SRFBP1: variants seen among roughly 807,000 people sequenced by gnomAD.
SRFBP1 encodes serum response factor-binding protein 1.
In SRFBP1, 47 loss-of-function variants were observed where a neutral mutation model predicts 45.5. The ratio of observed to expected loss-of-function variants is 1.03; its 90% confidence interval spans 0.82 to 1.32. The LOEUF (loss-of-function observed/expected upper bound fraction) is 1.32, where lower values mean the gene tolerates loss of function less well. Among genes scored for constraint, SRFBP1 ranks in the 40% most tolerant of loss-of-function variants. The pLI is 0.00. For missense variants in SRFBP1, 621 were observed against 484.6 expected (o/e 1.28, Z -2.64); for synonymous variants, 203 against 166.3 (o/e 1.22, Z -1.70).
exon 3 of SRFBP1, chr5:122,075,342 A>G: frequency 7.0e-7 from 1 of 1,435,432 alleles, no homozygotes. Flanking sequence ...CATTTGTGAT[A>G]TCAAAAATCA....
At chr5:121,993,164 G>T (rs76441997) in intron 3 of SRFBP1, among the ~76,000 whole-genome samples, 6,268 of 151,970 alleles carry the variant, frequency 0.041, 146 homozygotes, top group African/African-American at 0.049. Context: ...AATATATTTT[G>T]TTGATTTTGA....
Position 122,020,748 on chromosome 5 carries a change from GA to G in SRFBP1, c.1016del (p.Lys339SerfsTer2). On this transcript the variant is annotated frameshift_variant, in exon 6 of 8. Transcript: ENST00000339397. LOFTEE classifies it high-confidence loss of function. ...AAAATCAAGCCAAGTACAGAAACCA[GA>G]AAGTTAGAATCAGTGTTTTTCCACT... is the stretch of plus-strand genomic sequence containing the variant. ...NDKIKPSTET[R>X]KLESVFFHSL... 2 of 1,604,410 alleles carry G rather than the reference GA, an allele frequency of 1.2e-6. No homozygotes were observed. Among genetic ancestry groups the G allele is most frequent in the Non-Finnish European group, 1.7e-6 (2 of 1,177,416 alleles).
At chr5:121,989,714 A>G (rs1752584839) in intron 3 of SRFBP1, among the ~76,000 whole-genome samples, 1 of 152,166 alleles carries the variant, frequency 6.6e-6, no homozygotes, top group African/African-American at 2.4e-5. Context: ...CTAAATACCT[A>G]ATGTAGTTTC....
At chr5:121,997,944 T>G (rs1371074481) in intron 4 of SRFBP1, among the ~76,000 whole-genome samples, 2 of 150,132 alleles carry the variant, frequency 1.3e-5, no homozygotes, top group Non-Finnish European at 3.0e-5. Flanking sequence ...ATCAGAGAAA[T>G]GCAAATCAAA....
chr5:122,016,441 C>T (rs1378841834), intron 4 of SRFBP1, among the ~76,000 whole-genome samples: 1 of 152,158 alleles, frequency 6.6e-6, no homozygotes, highest in Admixed American at 6.5e-5. Flanking sequence ...AGTTTGACTT[C>T]CAGAATTAAA....
intron 2 of SRFBP1, among the ~76,000 whole-genome samples, chr5:122,039,252 T>A (rs1411226467): frequency 6.6e-6 from 1 of 152,164 alleles, no homozygotes; most frequent in Non-Finnish European, 1.5e-5. Context: ...ACCTGGTGTT[T>A]AAGAAGGTAT....
intron 2 of SRFBP1, among the ~76,000 whole-genome samples, chr5:122,061,517 G>A (rs1020144187): frequency 2.0e-5 from 3 of 151,812 alleles, no homozygotes; most frequent in African/African-American, 7.3e-5. Context: ...TTTATTTCCA[G>A]TCCCATTTTT....
chr5:122,057,423 G>GA (rs1754098959), intron 2 of SRFBP1, among the ~76,000 whole-genome samples: 1 of 151,648 alleles, frequency 6.6e-6, no homozygotes, highest in African/African-American at 2.4e-5. Flanking sequence ...CAGCTCAAAT[G>GA]AAAAAACATA....
At chr5:121,982,971 A>C (rs1343721493) in intron 3 of SRFBP1, among the ~76,000 whole-genome samples, 30 of 151,826 alleles carry the variant, frequency 2.0e-4, no homozygotes, top group Admixed American at 2.0e-3. Context: ...TAATTCAAAA[A>C]TTTTGGACAA....
intron 4 of SRFBP1, among the ~76,000 whole-genome samples, chr5:122,008,568 TTTG>T (rs1008252039): frequency 1.3e-4 from 20 of 152,228 alleles, no homozygotes; most frequent in African/African-American, 4.6e-4. Flanking sequence ...TCAATGTGTT[TTTG>T]TTGTTGTTGT....
chr5:122,016,635 C>T (rs1164238582), intron 4 of SRFBP1, among the ~76,000 whole-genome samples: 1 of 152,166 alleles, frequency 6.6e-6, no homozygotes, highest in Non-Finnish European at 1.5e-5. Flanking sequence ...GCTTTTAATA[C>T]TCAAGCAAGC....
At chr5:122,077,214 C>T (rs998805238), downstream of SRFBP1, 6 of 1,488,050 alleles carry the variant, frequency 4.0e-6, no homozygotes, top group Non-Finnish European at 2.7e-6. The surrounding 1 kb of genome is among the most constrained non-coding windows in gnomAD (Gnocchi z 4.9). Flanking sequence ...CACTGGATTC[C>T]AGGGCTGCCA....
intron 2 of SRFBP1, among the ~76,000 whole-genome samples, chr5:122,049,312 A>T (rs1043546051): frequency 6.6e-6 from 1 of 152,198 alleles, no homozygotes; most frequent in Non-Finnish European, 1.5e-5. Flanking sequence ...GATCAATTCA[A>T]CAAGAAGAGC....
chr5:122,034,424 CT>C (rs1215344974), intron 2 of SRFBP1, among the ~76,000 whole-genome samples: 1 of 151,710 alleles, frequency 6.6e-6, no homozygotes, highest in Non-Finnish European at 1.5e-5. Context: ...TTTGCTTATA[CT>C]TTTTTTAATG....
At chr5:121,986,857 G>C (rs1213722730) in intron 3 of SRFBP1, among the ~76,000 whole-genome samples, 3 of 152,052 alleles carry the variant, frequency 2.0e-5, no homozygotes, top group Admixed American at 1.3e-4. Flanking sequence ...TAGAATGACA[G>C]AATTTTAAAA....
intron 6 of SRFBP1, among the ~76,000 whole-genome samples, chr5:122,021,834 GC>G (rs1221248539): frequency 6.6e-6 from 1 of 150,604 alleles, no homozygotes; most frequent in Non-Finnish European, 1.5e-5. Flanking sequence ...ATGCCACCAC[GC>G]CCGGCTAATT....
chr5:121,978,722 C>A (rs1296172329), intron 3 of SRFBP1, among the ~76,000 whole-genome samples: 2 of 152,108 alleles, frequency 1.3e-5, no homozygotes, highest in African/African-American at 4.8e-5. Context: ...GAACGCCTGA[C>A]CTCAGGTGAT....
intron 2 of SRFBP1, among the ~76,000 whole-genome samples, chr5:122,035,963 C>T (rs951098327): frequency 6.6e-6 from 1 of 152,202 alleles, no homozygotes; most frequent in Admixed American, 6.5e-5. Context: ...CAATACTCCT[C>T]TCCTACAGTG....
At chr5:122,078,247 G>T, downstream of SRFBP1, 1 of 401,996 alleles carries the variant, frequency 2.5e-6, no homozygotes, top group Non-Finnish European at 4.3e-6. Flanking sequence ...GTCCCGGAGA[G>T]CGGGCAGTGT....
Sources: gnomAD v4.1 joint callset for allele counts (sites outside exome capture counted in the v4.1 genomes callset) on GRCh38, gnomAD v4.1.1 for gene constraint, Gnocchi (gnomAD v3.1) non-coding constraint, MANE v1.5 for transcripts, NCBI Gene and HGNC (gene_info 2026-07-23, HGNC 2026-07-21) for gene names.